Variants in SLC24A2 observed in about 807,000 individuals in gnomAD.
SLC24A2 encodes solute carrier family 24 member 2.
SLC24A2 carries 36 observed loss-of-function variants against 62.0 expected under a neutral mutation model. The ratio of observed to expected loss-of-function variants is 0.58; its 90% CI spans 0.44 to 0.77. The LOEUF (loss-of-function observed/expected upper bound fraction) is 0.77. SLC24A2 is among the 30% of genes least tolerant of loss of function. The probability of loss-of-function intolerance (pLI) is 0.00; values close to 1 mark genes in which losing one functional copy is unlikely to be tolerated. For missense variants in SLC24A2, 846 were observed against 817.9 expected (o/e 1.03, Z -0.42); for synonymous variants, 358 against 294.0 (o/e 1.22, Z -2.23).
At chr9:20,096,570 C>G in the SLC24A2 span, among the ~76,000 whole-genome samples, 8 of 152,162 alleles carry the variant, frequency 5.3e-5, no homozygotes, top group African/African-American at 1.9e-4. Context: ...GGCATTTTAT[C>G]TCTGAATCTC....
At chr9:19,739,867 A>T (rs1362657757) in intron 2 of SLC24A2, among the ~76,000 whole-genome samples, 1 of 152,214 alleles carries the variant, frequency 6.6e-6, no homozygotes, top group Non-Finnish European at 1.5e-5. Flanking sequence ...CATTAAGAGA[A>T]AGAAAAGGCA....
At chr9:19,665,451 G>A (rs1411972629) in intron 2 of SLC24A2, among the ~76,000 whole-genome samples, 1 of 152,098 alleles carries the variant, frequency 6.6e-6, no homozygotes, top group Non-Finnish European at 1.5e-5. Flanking sequence ...GAGAAAGGAA[G>A]TTTATCATGA....
At chr9:19,954,058 G>A in the SLC24A2 span, among the ~76,000 whole-genome samples, 1 of 151,944 alleles carries the variant, frequency 6.6e-6, no homozygotes, top group African/African-American at 2.4e-5. Flanking sequence ...TGGGTCTAGG[G>A]TAAAAAAGAA....
chr9:20,203,055 T>C, the SLC24A2 span, among the ~76,000 whole-genome samples: 2 of 151,914 alleles, frequency 1.3e-5, no homozygotes, highest in Non-Finnish European at 2.9e-5. Context: ...AATCCCCCAT[T>C]AATTAACACA....
the SLC24A2 span, among the ~76,000 whole-genome samples, chr9:20,112,192 A>G: frequency 6.6e-6 from 1 of 152,238 alleles, no homozygotes; most frequent in Admixed American, 6.5e-5. Flanking sequence ...GAATGAAGAA[A>G]TAATTGTAAA....
the SLC24A2 span, among the ~76,000 whole-genome samples, chr9:20,250,589 G>A: frequency 6.6e-6 from 1 of 152,176 alleles, no homozygotes; most frequent in Non-Finnish European, 1.5e-5. Context: ...AAATAAAAGA[G>A]TGGGAATGTC....
intron 1 of SLC24A2, among the ~76,000 whole-genome samples, chr9:19,788,353 G>C (rs1196129534): frequency 6.6e-6 from 1 of 152,216 alleles, no homozygotes; most frequent in Admixed American, 6.5e-5. Flanking sequence ...AACTCCCCGG[G>C]CGCAAAGTCA....
chr9:19,743,041 T>G (rs546726852), intron 2 of SLC24A2, among the ~76,000 whole-genome samples: 1 of 152,254 alleles, frequency 6.6e-6, no homozygotes, highest in African/African-American at 2.4e-5. Context: ...TTAGGAAAAT[T>G]TAAGTGTCTC....
the SLC24A2 span, among the ~76,000 whole-genome samples, chr9:20,200,420 A>C: frequency 6.6e-6 from 1 of 152,242 alleles, no homozygotes; most frequent in East Asian, 1.9e-4. Context: ...CCAGTAAAGC[A>C]GCATATGGAT....
rs1326980167 is a variant in SLC24A2, at chr9:19,550,233, A to G, written c.1383T>C (p.Leu461=). 1 of 1,614,200 alleles carries G rather than the reference A, an allele frequency of 6.2e-7. No individual in the cohort carries two copies. The highest frequency in any genetic ancestry group is 8.5e-7 in the Non-Finnish European group (1 of 1,180,014). ...ADEEEDQPLS[L]AWPSETRKQV... ...GCTTGCGGGTTTCAGAAGGCCAGGC[A>G]AGGCTGAGAGGCTGGTCCTCCTCCT... Residue 461 remains leucine (L), a synonymous_variant, in exon 8 of 11, where the codon CTT becomes CTC. Coordinates refer to ENST00000341998, the MANE Select transcript of SLC24A2 (RefSeq NM_020344.4).
the SLC24A2 span, among the ~76,000 whole-genome samples, chr9:19,975,130 G>A: frequency 5.3e-5 from 8 of 152,234 alleles, no homozygotes; most frequent in South Asian, 1.5e-3. Flanking sequence ...ACCATGGTTG[G>A]TTTAGGCCAA....
At chr9:19,871,693 T>C in the SLC24A2 span, among the ~76,000 whole-genome samples, 2 of 152,218 alleles carry the variant, frequency 1.3e-5, no homozygotes, top group Non-Finnish European at 2.9e-5. Context: ...GAAGATGTTT[T>C]ACTTTGTGTA....
At chr9:19,622,220 C>A in intron 3 of SLC24A2, 41 bp downstream of exon 3, 1 of 1,590,888 alleles carries the variant, frequency 6.3e-7, no homozygotes, top group Non-Finnish European at 8.6e-7. Flanking sequence ...ACGCTCTCCA[C>A]AGGCACACAA....
the SLC24A2 span, among the ~76,000 whole-genome samples, chr9:20,251,580 G>C: frequency 6.6e-6 from 1 of 152,136 alleles, no homozygotes; most frequent in South Asian, 2.1e-4. Flanking sequence ...AAGAGAAAGC[G>C]TTAATAAGAT....
chr9:20,287,795 C>T, the SLC24A2 span, among the ~76,000 whole-genome samples: 4 of 152,342 alleles, frequency 2.6e-5, no homozygotes, highest in East Asian at 7.7e-4. Context: ...AACCACCTCT[C>T]CATCTCTTCC....
intron 2 of SLC24A2, among the ~76,000 whole-genome samples, chr9:19,702,468 T>C (rs189775733): frequency 6.6e-6 from 1 of 152,306 alleles, no homozygotes; most frequent in Admixed American, 6.5e-5. Context: ...TAACAACCCA[T>C]GGTGACTTGT....
At chr9:20,108,812 A>G in the SLC24A2 span, among the ~76,000 whole-genome samples, 1 of 152,206 alleles carries the variant, frequency 6.6e-6, no homozygotes, top group African/African-American at 2.4e-5. Context: ...ACTAACCTGC[A>G]CATTGTGCAC....
chr9:19,662,552 C>T (rs1206281197), intron 2 of SLC24A2, among the ~76,000 whole-genome samples: 2 of 152,142 alleles, frequency 1.3e-5, no homozygotes, highest in African/African-American at 2.4e-5. Flanking sequence ...GCACACATCT[C>T]CTCAACTAAT....
At chr9:19,842,991 G>C in the SLC24A2 span, among the ~76,000 whole-genome samples, 1 of 152,094 alleles carries the variant, frequency 6.6e-6, no homozygotes, top group African/African-American at 2.4e-5. Flanking sequence ...CTGATTGTAG[G>C]GTCATTTGAA....
Sources: gnomAD v4.1 joint callset for allele counts (sites outside exome capture counted in the v4.1 genomes callset) on GRCh38, gnomAD v4.1.1 for gene constraint, MANE v1.5 for transcripts, NCBI Gene and HGNC (gene_info 2026-07-23, HGNC 2026-07-21) for gene names.